UNC80: variants seen among roughly 807,000 people sequenced by gnomAD.
The protein encoded by UNC80 is protein unc-80 homolog.
A neutral mutation model predicts 384.6 loss-of-function variants in UNC80; 164 were observed. That is an observed-to-expected ratio of 0.43 (90% CI 0.38 to 0.49). The LOEUF is 0.49. UNC80 is among the 20% of genes least tolerant of loss of function. The pLI, the probability that UNC80 is intolerant of heterozygous loss-of-function variation, is 0.00. For synonymous variants in UNC80, 1,486 were observed against 1,527.8 expected, an observed-to-expected ratio of 0.97 and a Z score of 0.64; for missense variants, 3,330 against 4,143.0, an observed-to-expected ratio of 0.80 and a Z score of 5.39.
In UNC80 at chr2:209,982,169, C is replaced by A. The variant is rs1169153158; in HGVS notation, c.9119-10C>A. 2 of 1,550,072 alleles carry A rather than the reference C, an allele frequency of 1.3e-6. No individual in the cohort carries two copies. The highest frequency in any genetic ancestry group is 2.7e-5 in the African/African-American group (2 of 73,100). On this transcript the variant is annotated splice_polypyrimidine_tract_variant and intron_variant, in intron 59 of 64. Transcript: ENST00000673920. ...GTTTTTGTAACACTCTATTCCTTTG[C>A]CCCTTTTAGATGACTCTATAAGCAT...
intron 18 of UNC80, among the ~76,000 whole-genome samples, chr2:209,838,753 A>G (rs563876927): frequency 6.6e-6 from 1 of 152,190 alleles, no homozygotes; most frequent in African/African-American, 2.4e-5. Context: ...CGAGGTCAGG[A>G]GATTGAGACC....
intron 63 of UNC80, 100 bp downstream of exon 63, chr2:209,993,526 C>T: frequency 2.1e-6 from 2 of 949,190 alleles, no homozygotes; most frequent in African/African-American, 1.7e-5. Context: ...GATAAGCACA[C>T]CTTTGGGGAG....
chr2:209,982,350 T>G (rs1218733238), intron 60 of UNC80, 33 bp downstream of exon 60: 2 of 1,495,072 alleles, frequency 1.3e-6, no homozygotes, highest in South Asian at 1.3e-5. Context: ...TACTCTGCAT[T>G]TGGGGGCAAA....
chr2:209,969,446 A>G (rs1481381022), intron 52 of UNC80: 4 of 295,348 alleles, frequency 1.4e-5, no homozygotes, highest in Non-Finnish European at 2.5e-5. Flanking sequence ...ATTGGGAGTA[A>G]TTACCCCTGT....
intron 25 of UNC80, among the ~76,000 whole-genome samples, chr2:209,885,239 A>G (rs1260030739): frequency 1.4e-4 from 22 of 152,156 alleles, no homozygotes; most frequent in Admixed American, 1.4e-3. Flanking sequence ...GATGAAGGTG[A>G]TACAGAAATA....
At chr2:209,879,502 A>G (rs1306898573) in intron 24 of UNC80, among the ~76,000 whole-genome samples, 1 of 152,190 alleles carries the variant, frequency 6.6e-6, no homozygotes, top group Non-Finnish European at 1.5e-5. Flanking sequence ...GCCCTGAAAG[A>G]GCCTAGACTA....
chr2:209,916,400 A>G (rs1421869153), intron 31 of UNC80, among the ~76,000 whole-genome samples: 1 of 152,200 alleles, frequency 6.6e-6, no homozygotes, highest in East Asian at 1.9e-4. Context: ...AAGGAAACAA[A>G]TGGTATACAA....
chr2:209,797,888 A>T (rs984603615), intron 7 of UNC80, among the ~76,000 whole-genome samples: 3 of 151,960 alleles, frequency 2.0e-5, no homozygotes, highest in Non-Finnish European at 2.9e-5. Context: ...TGTGGTTTTT[A>T]TTTGCATTTC....
At chr2:209,921,180 G>A (rs1168616045) in intron 33 of UNC80, among the ~76,000 whole-genome samples, 1 of 152,076 alleles carries the variant, frequency 6.6e-6, no homozygotes, top group Non-Finnish European at 1.5e-5. Context: ...AAGAAATAGA[G>A]TACTTAAAAA....
intron 21 of UNC80, among the ~76,000 whole-genome samples, chr2:209,846,869 G>C (rs998501770): frequency 3.9e-5 from 6 of 151,982 alleles, no homozygotes; most frequent in Non-Finnish European, 2.9e-5. Flanking sequence ...ATGCCAGCAG[G>C]ATACAATTTT....
intron 47 of UNC80, 110 bp from the exon 48 acceptor site, chr2:209,953,990 A>C: frequency 8.0e-7 from 1 of 1,251,552 alleles, no homozygotes. Flanking sequence ...AAGGGGCCTT[A>C]GAATTCATAT....
intron 42 of UNC80, among the ~76,000 whole-genome samples, chr2:209,939,087 T>A (rs2091450993): frequency 6.6e-6 from 1 of 152,160 alleles, no homozygotes; most frequent in Non-Finnish European, 1.5e-5. Context: ...AGGAAACAGC[T>A]TCAGGCATTG....
chr2:209,916,575 T>TA (rs1244105432), intron 31 of UNC80, among the ~76,000 whole-genome samples: 1 of 152,158 alleles, frequency 6.6e-6, no homozygotes, highest in Non-Finnish European at 1.5e-5. Context: ...AGTGGAGACT[T>TA]AAACACCTAG....
chr2:209,895,147 A>T (rs1041721567), intron 27 of UNC80, among the ~76,000 whole-genome samples: 1 of 152,230 alleles, frequency 6.6e-6, no homozygotes, highest in African/African-American at 2.4e-5. Context: ...AGTCCAAAAT[A>T]TGGGCCCTAA....
chr2:209,831,302 A>T, intron 15 of UNC80, 141 bp from the exon 16 acceptor site: 1 of 849,268 alleles, frequency 1.2e-6, no homozygotes, highest in Non-Finnish European at 1.7e-6. Context: ...AGAGATTATT[A>T]AACCTGGGGC....
chr2:209,840,429 A>G (rs1298271772), intron 19 of UNC80, 113 bp from the exon 20 acceptor site: 4 of 858,548 alleles, frequency 4.7e-6, no homozygotes, highest in African/African-American at 1.7e-5. Context: ...TTGTTTTTCT[A>G]TTTATACCAA....
chr2:209,882,074 C>T (rs1239779021), intron 25 of UNC80, among the ~76,000 whole-genome samples: 1 of 150,186 alleles, frequency 6.7e-6, no homozygotes, highest in African/African-American at 2.5e-5. Context: ...TCACACCATT[C>T]TCCTGCCACA....
intron 7 of UNC80, among the ~76,000 whole-genome samples, chr2:209,811,501 A>T (rs1050837497): frequency 6.6e-6 from 1 of 152,178 alleles, no homozygotes; most frequent in African/African-American, 2.4e-5. Context: ...TGTCTGTGGA[A>T]CTGATGAGAA....
Position 209,916,347 on chromosome 2 carries a change from G to A in UNC80, c.5030-1430G>A, listed in dbSNP as rs546555678. On this transcript the variant is annotated intron_variant, in intron 31 of 64. Coordinates refer to ENST00000673920, the MANE Select transcript of UNC80 (RefSeq NM_001371986.1). The stretch of plus-strand genomic sequence containing the variant: ...ATAATCTCAAGCTGTGGAAGCAAAG[G>A]AAAATAATTCTTCAAGGAGATTATG... Among the ~76,000 whole-genome samples the A allele has an allele frequency of 2.0e-5, 3 of 152,264 alleles. No homozygotes were observed. In the South Asian group the frequency reaches 6.2e-4, roughly 32 times the overall value.
Sources: allele counts gnomAD v4.1 joint callset (sites outside exome capture counted in the v4.1 genomes callset), GRCh38; gene constraint gnomAD v4.1.1; transcripts MANE v1.5; gene names NCBI Gene and HGNC (gene_info 2026-07-23, HGNC 2026-07-21).